The following ACVR1C variants were observed in gnomAD, a reference collection of about 807,000 sequenced individuals.
The protein encoded by ACVR1C is activin receptor type-1C.
In ACVR1C, 23 loss-of-function variants were observed where a neutral mutation model predicts 57.9. The ratio of observed to expected loss-of-function variants is 0.40; its 90% CI spans 0.29 to 0.56. ACVR1C has a LOEUF of 0.56. Among genes scored for constraint, ACVR1C ranks in the 20% least tolerant of loss-of-function variants. The pLI, the probability that ACVR1C is intolerant of heterozygous loss-of-function variation, is 0.50. For missense variants in ACVR1C, 480 were observed against 607.9 expected (o/e 0.79, Z 2.21); for synonymous variants, 214 against 215.3 (o/e 0.99, Z 0.05).
intron 1 of ACVR1C, among the ~76,000 whole-genome samples, chr2:157,627,885 T>C (rs1259646930): frequency 2.6e-5 from 4 of 152,232 alleles, no homozygotes; most frequent in Non-Finnish European, 4.4e-5. Flanking sequence ...ACGTCTGGCT[T>C]CTAGATTGGG....
intron 1 of ACVR1C, among the ~76,000 whole-genome samples, chr2:157,589,064 G>T (rs1200426162): frequency 6.6e-6 from 1 of 151,396 alleles, no homozygotes; most frequent in Non-Finnish European, 1.5e-5. Flanking sequence ...TGGGATTGCT[G>T]GATCAAATGG....
intron 3 of ACVR1C, among the ~76,000 whole-genome samples, chr2:157,554,268 A>AAAGAAAGGAAGGAAGGAAGGAAGG (rs1261113225): frequency 8.8e-6 from 1 of 113,562 alleles, no homozygotes; most frequent in Admixed American, 8.4e-5. Flanking sequence ...AGAAAGAAAG[A>AAAGAAAGGAAGGAAGGAAGGAAGG]AAGGAAGGAA....
At chr2:157,554,251 GAAAGAAAGAAAGAAAGA>G (rs1558975031) in intron 3 of ACVR1C, among the ~76,000 whole-genome samples, 28 of 122,522 alleles carry the variant, frequency 2.3e-4, no homozygotes, top group Non-Finnish European at 3.5e-4. Context: ...AAGAAAGAAA[GAAAGAAAGAAAGAAAGA>G]AAGGAAGGAA....
intron 1 of ACVR1C, among the ~76,000 whole-genome samples, chr2:157,592,003 AG>A (rs1199336491): frequency 2.0e-5 from 3 of 152,128 alleles, no homozygotes; most frequent in Admixed American, 2.0e-4. Flanking sequence ...TGAATAAAAT[AG>A]AATTCTAATA....
chr2:157,612,312 T>C (rs1029384882), intron 1 of ACVR1C, among the ~76,000 whole-genome samples: 4 of 152,104 alleles, frequency 2.6e-5, no homozygotes, highest in African/African-American at 7.2e-5. Context: ...CAGTCACCAC[T>C]CACAGCCCCA....
At chr2:157,544,820 C>T (rs1198919755) in intron 4 of ACVR1C, among the ~76,000 whole-genome samples, 1 of 152,048 alleles carries the variant, frequency 6.6e-6, no homozygotes, top group African/African-American at 2.4e-5. Flanking sequence ...ATGTGCCCAC[C>T]ATAAAAATAG....
rs149653168 is a variant in ACVR1C, at chr2:157,540,924, G to A, written c.1225+166C>T. On this transcript the variant is annotated intron_variant, in intron 7 of 8. Coordinates refer to ENST00000243349, the MANE Select transcript of ACVR1C (RefSeq NM_145259.3). Reference sequence around the variant, plus strand: ...TCACAATATAAAATCTCCATTACATGCAAGATATCCCACTTTTGCCACTGG... The same window carrying A: ...TCACAATATAAAATCTCCATTACATACAAGATATCCCACTTTTGCCACTGG... 9.0e-4 allele frequency among the ~76,000 whole-genome samples: 137 copies of A among 152,218 alleles called. 3 individuals are homozygous for A. The highest frequency in any genetic ancestry group is 3.2e-3 in the African/African-American group (132 of 41,530).
chr2:157,581,687 C>CAG (rs1487821498), intron 2 of ACVR1C, among the ~76,000 whole-genome samples: 1 of 152,100 alleles, frequency 6.6e-6, no homozygotes, highest in Non-Finnish European at 1.5e-5. Flanking sequence ...ATGAAAGAGC[C>CAG]AGAGAGGCAA....
rs139069920 is a variant in ACVR1C at position 157,617,870 on chromosome 2, T to C, written c.73+10702A>G. Among the ~76,000 whole-genome samples the C allele has an allele frequency of 4.8e-4, 73 of 152,026 alleles. 1 individual carries two copies. In the East Asian group the frequency reaches 0.014, roughly 29 times the overall value. ...TGGGTGATAACTAAAATTCTTTTAA[T>C]TCTAGTGTATATTTGAAGCTTAAAA... On this transcript the variant is annotated intron_variant, in intron 1 of 8. Coordinates refer to ENST00000243349, the MANE Select transcript of ACVR1C (RefSeq NM_145259.3).
At chr2:157,616,808 G>T (rs1682662730) in intron 1 of ACVR1C, among the ~76,000 whole-genome samples, 1 of 151,386 alleles carries the variant, frequency 6.6e-6, no homozygotes, top group African/African-American at 2.4e-5. Flanking sequence ...TAAACATAGA[G>T]CAACCAGTTA....
chr2:157,601,015 T>C (rs1682267236), intron 1 of ACVR1C, among the ~76,000 whole-genome samples: 1 of 152,150 alleles, frequency 6.6e-6, no homozygotes, highest in South Asian at 2.1e-4. Flanking sequence ...TTGTCATAAG[T>C]ATTTCAGAAG....
At chr2:157,603,997 C>T (rs556166491) in intron 1 of ACVR1C, among the ~76,000 whole-genome samples, 24 of 152,186 alleles carry the variant, frequency 1.6e-4, no homozygotes, top group African/African-American at 4.8e-4. Context: ...GAGGTACCCA[C>T]GTTTAACTAT....
chr2:157,549,617 A>G (rs1337886845), intron 4 of ACVR1C, among the ~76,000 whole-genome samples: 1 of 152,078 alleles, frequency 6.6e-6, no homozygotes, highest in Non-Finnish European at 1.5e-5. Flanking sequence ...GCTTCATTGT[A>G]TGGTTATGTA....
At chr2:157,539,991 AC>A (rs1433025311) in intron 7 of ACVR1C, among the ~76,000 whole-genome samples, 1 of 152,224 alleles carries the variant, frequency 6.6e-6, no homozygotes, top group Non-Finnish European at 1.5e-5. Flanking sequence ...ATGCAAAATG[AC>A]ATCACTACAA....
chr2:157,567,229 C>T (rs1476303967), intron 2 of ACVR1C, among the ~76,000 whole-genome samples: 1 of 96,958 alleles, frequency 1.0e-5, no homozygotes, highest in East Asian at 2.4e-4. Context: ...TCACCATCAT[C>T]AAAGACCAAA....
chr2:157,587,786 T>A (rs1204129496), intron 1 of ACVR1C, among the ~76,000 whole-genome samples: 2 of 152,062 alleles, frequency 1.3e-5, no homozygotes, highest in Non-Finnish European at 2.9e-5. Flanking sequence ...TGTCCAGCAA[T>A]ACTCATAGAA....
At chr2:157,604,995 TTC>T (rs1682360837) in intron 1 of ACVR1C, among the ~76,000 whole-genome samples, 1 of 151,836 alleles carries the variant, frequency 6.6e-6, no homozygotes, top group African/African-American at 2.4e-5. Context: ...AAATGTTTTC[TTC>T]TCTGTTTTCT....
intron 2 of ACVR1C, among the ~76,000 whole-genome samples, chr2:157,557,463 C>G (rs149268435): frequency 1.8e-3 from 275 of 152,166 alleles, no homozygotes; most frequent in African/African-American, 6.3e-3. Context: ...GACCCTTGTC[C>G]TGCTTGATTT....
At chr2:157,560,063 G>A (rs546491428) in intron 2 of ACVR1C, among the ~76,000 whole-genome samples, 3 of 152,122 alleles carry the variant, frequency 2.0e-5, no homozygotes, top group Non-Finnish European at 2.9e-5. Context: ...GGAGACCTGC[G>A]TGGACCTGGT....
Sources: gnomAD v4.1 joint callset for allele counts (sites outside exome capture counted in the v4.1 genomes callset) on GRCh38, gnomAD v4.1.1 for gene constraint, MANE v1.5 for transcripts, NCBI Gene and HGNC (gene_info 2026-07-23, HGNC 2026-07-21) for gene names.